SND1: variants seen among roughly 807,000 people sequenced by gnomAD.
SND1 encodes the protein staphylococcal nuclease domain-containing protein 1.
SND1 carries 38 observed loss-of-function variants against 121.7 expected under a neutral mutation model. The observed-to-expected ratio is 0.31, with a 90% CI of 0.24 to 0.41. The LOEUF (loss-of-function observed/expected upper bound fraction) is 0.41. Ranked by LOEUF, SND1 falls within the 10% of genes least tolerant of loss-of-function variation. The pLI is 1.00. For synonymous variants in SND1, 401 were observed against 447.4 expected, an observed-to-expected ratio of 0.90 and a Z score of 1.31; for missense variants, 868 against 1,184.6, an observed-to-expected ratio of 0.73 and a Z score of 3.92.
Position 127,652,357 on chromosome 7 carries a change from C to T in SND1, c.-17C>T. The stretch of plus-strand genomic sequence containing the variant: ...GTCCGGCCAGCCGCTCCACTCGTTG[C>T]CTTTGCATCTCCACACATGGCGTCC... On this transcript the variant is annotated 5_prime_UTR_variant, in exon 1 of 24. Coordinates refer to ENST00000354725, the MANE Select transcript of SND1 (RefSeq NM_014390.4). 2 of 1,588,246 alleles carry T rather than the reference C, an allele frequency of 1.3e-6. No homozygotes were observed. The highest frequency in any genetic ancestry group is 1.7e-6 in the Non-Finnish European group (2 of 1,167,434).
chr7:127,842,063 C>T (rs990134196), intron 11 of SND1, among the ~76,000 whole-genome samples: 1 of 152,198 alleles, frequency 6.6e-6, no homozygotes, highest in African/African-American at 2.4e-5. Context: ...TTTGAGGCAT[C>T]TATCCTTTTC....
rs1802485191 is a variant in SND1, at chr7:127,989,994, C to CA, written c.1670-946dup. Among the ~76,000 whole-genome samples the CA allele has an allele frequency of 2.6e-5, 4 of 151,836 alleles. No homozygotes were observed. The South Asian group carries it at 6.2e-4, about 24-fold the overall frequency. On this transcript the variant is annotated intron_variant, in intron 15 of 23. Coordinates refer to ENST00000354725, the MANE Select transcript of SND1 (RefSeq NM_014390.4). ...TTGTACAGAATCCTGTGGTTGGATA[C>CA]AAAAAAAGAGTATGAAGGATAGGAT...
At chr7:127,783,225 C>T (rs1021685628) in intron 10 of SND1, among the ~76,000 whole-genome samples, 2 of 152,180 alleles carry the variant, frequency 1.3e-5, no homozygotes, top group African/African-American at 4.8e-5. Flanking sequence ...CCTGCTATTA[C>T]AGAAGTGAAA....
intron 10 of SND1, among the ~76,000 whole-genome samples, chr7:127,775,812 T>C (rs1584564190): frequency 6.6e-6 from 1 of 152,270 alleles, no homozygotes; most frequent in South Asian, 2.1e-4. Context: ...TATTCTGTTA[T>C]ATATAGCAAT....
chr7:128,028,774 G>A (rs1284185083), intron 16 of SND1: 3 of 1,614,078 alleles, frequency 1.9e-6, no homozygotes, highest in East Asian at 2.2e-5. Context: ...GAGTTCCCCA[G>A]GCTGTTTTCT....
rs1360439296 is a variant in SND1 at position 128,092,021 on chromosome 7, G to C, written c.2696G>C (p.Arg899Pro). Residue 899 changes from arginine to proline, a missense_variant, in exon 24 of 24, where the codon CGA becomes CCA. Arg to Pro is a moderately radical substitution (Grantham distance 103). Transcript: ENST00000354725. The surrounding 1 kb of genome is among the most constrained non-coding windows in gnomAD (Gnocchi z 4.9). ...RLNLWRYGDF[R>P]ADDADEFGYS... ...AACCTGTGGCGCTATGGAGACTTTC[G>C]AGCTGATGATGCAGACGAATTTGGC... The C allele has an allele frequency of 6.2e-7, 1 of 1,614,052 alleles. No individual in the cohort carries two copies. Among genetic ancestry groups the C allele is most frequent in the Non-Finnish European group, 8.5e-7 (1 of 1,179,944 alleles).
At chr7:127,901,571 C>G (rs1451581434) in intron 13 of SND1, among the ~76,000 whole-genome samples, 1 of 152,088 alleles carries the variant, frequency 6.6e-6, no homozygotes, top group African/African-American at 2.4e-5. Flanking sequence ...ACAGATCCCT[C>G]CCACTTTGCA....
rs750868811 is a variant in SND1 at position 127,784,291 on chromosome 7, G to A, written c.1153-23193G>A. On this transcript the variant is annotated intron_variant, in intron 10 of 23. Coordinates refer to ENST00000354725, the MANE Select transcript of SND1 (RefSeq NM_014390.4). ...TCACTTTTGCATTCTACAGGTTAAC[G>A]TCTCTGCCGGGCAAACAAAGCGAGG... 7.9e-5 allele frequency among the ~76,000 whole-genome samples: 12 copies of A among 152,112 alleles called. No homozygotes were observed. In the South Asian group the frequency reaches 1.2e-3, roughly 16 times the overall value.
chr7:127,672,755 C>T (rs1157637264), intron 1 of SND1, among the ~76,000 whole-genome samples: 1 of 152,110 alleles, frequency 6.6e-6, no homozygotes, highest in Non-Finnish European at 1.5e-5. Context: ...GAAATAATTC[C>T]TCAGTCTTTC....
intron 9 of SND1, among the ~76,000 whole-genome samples, chr7:127,709,857 A>T (rs2116360428): frequency 6.6e-6 from 1 of 152,366 alleles, no homozygotes; most frequent in South Asian, 2.1e-4. Flanking sequence ...GAAATGGGAA[A>T]AGAGTTTTTA....
chr7:127,807,811 C>T (rs1010194092), intron 11 of SND1, among the ~76,000 whole-genome samples: 4 of 152,172 alleles, frequency 2.6e-5, no homozygotes, highest in African/African-American at 7.2e-5. Context: ...CAGCAGGGTC[C>T]GGGCTCAACT....
chr7:127,891,419 C>T (rs2116737668), intron 13 of SND1, among the ~76,000 whole-genome samples: 1 of 152,208 alleles, frequency 6.6e-6, no homozygotes, highest in African/African-American at 2.4e-5. Context: ...CCTCGTTCTC[C>T]TATGAACATT....
At chr7:127,945,865 G>A (rs1046135935) in intron 15 of SND1, among the ~76,000 whole-genome samples, 1 of 152,222 alleles carries the variant, frequency 6.6e-6, no homozygotes, top group Non-Finnish European at 1.5e-5. Flanking sequence ...TTTTGCAGAT[G>A]AGAAAACTAA....
intron 9 of SND1, among the ~76,000 whole-genome samples, chr7:127,711,730 C>A (rs1223252897): frequency 1.3e-5 from 2 of 151,890 alleles, no homozygotes; most frequent in African/African-American, 4.8e-5. Flanking sequence ...TTTGTGGGCT[C>A]ATCTTCCAGT....
intron 10 of SND1, among the ~76,000 whole-genome samples, chr7:127,754,264 T>C (rs1312701847): frequency 6.6e-6 from 1 of 152,212 alleles, no homozygotes; most frequent in Non-Finnish European, 1.5e-5. Context: ...TTTCTTAAAG[T>C]GGGCCATCAT....
At chr7:127,978,021 G>A (rs1175003035) in intron 15 of SND1, among the ~76,000 whole-genome samples, 1 of 152,170 alleles carries the variant, frequency 6.6e-6, no homozygotes, top group Non-Finnish European at 1.5e-5. Context: ...AAGGGGAGAC[G>A]TGGGCAGTTG....
chr7:127,777,427 AT>A (rs1404731820), intron 10 of SND1, among the ~76,000 whole-genome samples: 1 of 152,226 alleles, frequency 6.6e-6, no homozygotes, highest in Non-Finnish European at 1.5e-5. Flanking sequence ...GAGGAAAGAG[AT>A]TCTTTCAGCT....
rs146872921 is a variant in SND1, at chr7:127,831,793, C to T, written c.1243-12531C>T. Among the ~76,000 whole-genome samples the T allele has an allele frequency of 1.6e-3, 246 of 152,144 alleles. 1 individual carries two copies. The highest frequency in any genetic ancestry group is 5.6e-3 in the African/African-American group (233 of 41,510). ...TTCTTTATATATTTACTTAGCTCAC[C>T]GTATTGTTTCTCTTAAGACTTAATC... is the stretch of plus-strand genomic sequence containing the variant. On this transcript the variant is annotated intron_variant, in intron 11 of 23. Transcript: ENST00000354725.
chr7:127,917,100 T>C (rs1800596297), intron 14 of SND1, among the ~76,000 whole-genome samples: 1 of 152,220 alleles, frequency 6.6e-6, no homozygotes, highest in South Asian at 2.1e-4. Flanking sequence ...CTGCCATCAC[T>C]TACGCACTCT....
Sources: allele counts gnomAD v4.1 joint callset (sites outside exome capture counted in the v4.1 genomes callset), GRCh38; gene constraint gnomAD v4.1.1; non-coding constraint Gnocchi (gnomAD v3.1); transcripts MANE v1.5; gene names NCBI Gene and HGNC (gene_info 2026-07-23, HGNC 2026-07-21).